WDR41: variants seen among roughly 807,000 people sequenced by gnomAD.
WDR41 encodes WD repeat domain 41.
WDR41 carries 63 observed loss-of-function variants against 69.3 expected under a neutral mutation model. The ratio of observed to expected loss-of-function variants is 0.91; its 90% CI spans 0.74 to 1.12. WDR41 has a LOEUF of 1.12. WDR41 is among the 50% of genes most tolerant of loss of function. WDR41 has a pLI of 0.00. For missense variants in WDR41, 543 were observed against 534.5 expected, an observed-to-expected ratio of 1.02 and a Z score of -0.16; for synonymous variants, 185 against 192.1, an observed-to-expected ratio of 0.96 and a Z score of 0.31.
chr5:77,545,942 A>G, intron 1 of WDR41: 1 of 496,694 alleles, frequency 2.0e-6, no homozygotes, highest in African/African-American at 2.0e-5. Context: ...GCAAGGTGAC[A>G]GGCCGCTGTG....
chr5:77,603,029 C>G (rs1249887507), intron 1 of WDR41, among the ~76,000 whole-genome samples: 1 of 151,714 alleles, frequency 6.6e-6, no homozygotes, highest in Admixed American at 6.6e-5. Flanking sequence ...GCTCAGCTCC[C>G]TGGGTTCATG....
chr5:77,481,488 T>C (rs1801258079), intron 2 of WDR41, among the ~76,000 whole-genome samples: 1 of 152,058 alleles, frequency 6.6e-6, no homozygotes, highest in African/African-American at 2.4e-5. Context: ...TGTGGGTACA[T>C]ATTAAAGCCA....
chr5:77,598,352 C>T (rs1046976635), intron 1 of WDR41, among the ~76,000 whole-genome samples: 1 of 152,302 alleles, frequency 6.6e-6, no homozygotes, highest in Middle Eastern at 3.4e-3. Flanking sequence ...TACAAGATGA[C>T]CACATATCTC....
At chr5:77,602,070 C>A (rs1744332082) in intron 1 of WDR41, among the ~76,000 whole-genome samples, 1 of 152,094 alleles carries the variant, frequency 6.6e-6, no homozygotes, top group Admixed American at 6.5e-5. Context: ...TTCTATCTAA[C>A]TGTATATTTG....
chr5:77,615,316 G>A (rs1744658259), intron 1 of WDR41, among the ~76,000 whole-genome samples: 1 of 152,046 alleles, frequency 6.6e-6, no homozygotes, highest in South Asian at 2.1e-4. Context: ...ATTTTATTGG[G>A]TGCAAATGGC....
In WDR41 at chr5:77,582,394, A is replaced by G. The variant is rs147621508; in HGVS notation, c.42+38085T>C. On this transcript the variant is annotated intron_variant, in intron 1 of 5. Transcript: ENST00000509971. ...TGGAACCATGGAGGGTGTAGAAGAG[A>G]AGAAGAAGGAGGTTCCTGCTGTGCC... 49 of 1,610,406 alleles carry G rather than the reference A, an allele frequency of 3.0e-5. No homozygotes were observed. The East Asian group carries it at 8.7e-4, about 29-fold the overall frequency.
chr5:77,464,705 T>C, intron 3 of WDR41, 56 bp downstream of exon 3: 2 of 1,544,734 alleles, frequency 1.3e-6, no homozygotes, highest in Non-Finnish European at 1.8e-6. Flanking sequence ...TATGAATACA[T>C]ACTCAACTAC....
upstream of WDR41, among the ~76,000 whole-genome samples, chr5:77,493,572 T>C (rs901514298): frequency 2.0e-5 from 3 of 152,276 alleles, no homozygotes; most frequent in African/African-American, 7.2e-5. Context: ...TCCTTTTGAG[T>C]GCACTCGGCA....
chr5:77,517,826 T>C (rs1273778179), intron 1 of WDR41, among the ~76,000 whole-genome samples: 13 of 151,854 alleles, frequency 8.6e-5, no homozygotes. Flanking sequence ...ACGGTAAAAA[T>C]AATAATAAGA....
At chr5:77,569,585 A>G (rs58914854) in intron 1 of WDR41, among the ~76,000 whole-genome samples, 1 of 152,208 alleles carries the variant, frequency 6.6e-6, no homozygotes, top group Non-Finnish European at 1.5e-5. Context: ...TGCTATCTTT[A>G]AAAATGAGTA....
At chr5:77,583,947 A>G (rs577074733) in intron 1 of WDR41, among the ~76,000 whole-genome samples, 1 of 152,350 alleles carries the variant, frequency 6.6e-6, no homozygotes, top group South Asian at 2.1e-4. Context: ...TGACTTCCCA[A>G]AATCAATTAA....
intron 2 of WDR41, among the ~76,000 whole-genome samples, chr5:77,476,002 G>C (rs960835327): frequency 3.2e-4 from 48 of 152,110 alleles, no homozygotes; most frequent in African/African-American, 1.1e-3. Context: ...TGAAAACCAA[G>C]GCTCCAGAAC....
chr5:77,519,720 G>A (rs1161689546), intron 1 of WDR41, among the ~76,000 whole-genome samples: 8 of 151,158 alleles, frequency 5.3e-5, no homozygotes, highest in African/African-American at 1.9e-4. Context: ...AAGTGTTTAT[G>A]TTAAATGTGA....
Position 77,463,105 on chromosome 5 carries a change from C to G in WDR41, c.338G>C (p.Arg113Thr), listed in dbSNP as rs542320192. The change falls in exon 4 of 13, where the codon AGA becomes ACA. Residue 113 changes from arginine (R) to threonine (T), a missense_variant. By Grantham distance (71) the Arg-to-Thr change is moderately conservative. Coordinates refer to ENST00000296679, the MANE Select transcript of WDR41 (RefSeq NM_018268.4). ...CAGATTAAAGGATACAATAACTGTT[C>G]TATCAGCAGAGGCTGTCAAGATGAG... is the stretch of plus-strand genomic sequence containing the variant. Reference protein sequence around the residue: ...NQLILTASADRTVIVWDGDTT... With the variant: ...NQLILTASADTTVIVWDGDTT... 6.2e-7 allele frequency: 1 copy of G among 1,611,574 alleles called. No individual in the cohort carries two copies. The highest frequency in any genetic ancestry group is 1.3e-5 in the African/African-American group (1 of 74,758).
intron 1 of WDR41, among the ~76,000 whole-genome samples, chr5:77,571,371 G>A (rs893363245): frequency 8.6e-5 from 13 of 151,736 alleles, no homozygotes; most frequent in African/African-American, 3.1e-4. Flanking sequence ...ATGGCGGGAG[G>A]GAAAAAAATC....
Position 77,497,417 on chromosome 5 carries a change from C to A in WDR41, c.43-7845G>T, listed in dbSNP as rs947335594. Among the ~76,000 whole-genome samples the A allele has an allele frequency of 3.3e-5, 5 of 151,982 alleles. 1 individual carries two copies. The highest frequency in any genetic ancestry group is 7.4e-5 in the Non-Finnish European group (5 of 67,968). On this transcript the variant is annotated intron_variant, in intron 1 of 5. Transcript: ENST00000509971. ...CAACAACAACAACAACATAAAACAA[C>A]CCTATTAAAACTGGGCAAAGGACTT...
chr5:77,606,704 G>A (rs544159876), intron 1 of WDR41, among the ~76,000 whole-genome samples: 1 of 152,108 alleles, frequency 6.6e-6, no homozygotes, highest in South Asian at 2.1e-4. Context: ...TCAGGAGGCT[G>A]AGGAGGGATG....
At chr5:77,568,330 TC>T (rs1186264185) in intron 1 of WDR41, among the ~76,000 whole-genome samples, 1 of 152,144 alleles carries the variant, frequency 6.6e-6, no homozygotes, top group Non-Finnish European at 1.5e-5. Flanking sequence ...CAAGAACAGT[TC>T]CCCTTTGTGC....
chr5:77,502,451 G>T (rs549304640), intron 1 of WDR41, among the ~76,000 whole-genome samples: 1 of 152,152 alleles, frequency 6.6e-6, no homozygotes, highest in South Asian at 2.1e-4. Flanking sequence ...CACTCTTCAG[G>T]ATATTATCCA....
Sources: allele counts gnomAD v4.1 joint callset (sites outside exome capture counted in the v4.1 genomes callset), GRCh38; gene constraint gnomAD v4.1.1; transcripts MANE v1.5; gene names NCBI Gene and HGNC (gene_info 2026-07-23, HGNC 2026-07-21).